Variants in CACNA1C observed in about 807,000 individuals in gnomAD.
The protein encoded by CACNA1C is calcium voltage-gated channel subunit alpha1 C, also known as voltage-dependent L-type calcium channel subunit alpha-1C.
CACNA1C carries 30 observed loss-of-function variants against 229.0 expected under a neutral mutation model. That is an observed-to-expected ratio of 0.13 (90% confidence interval 0.10 to 0.18). The LOEUF is 0.18. CACNA1C is among the 10% of genes least tolerant of loss of function. The probability of loss-of-function intolerance (pLI) is 1.00; values close to 1 mark genes in which losing one functional copy is unlikely to be tolerated. For synonymous variants in CACNA1C, 1,114 were observed against 1,132.5 expected, an observed-to-expected ratio of 0.98 and a Z score of 0.33; for missense variants, 1,658 against 2,845.0, an observed-to-expected ratio of 0.58 and a Z score of 9.49.
At chr12:1,979,675 A>T in intron 1 of CACNA1C, among the ~76,000 whole-genome samples, 1 of 152,260 alleles carries the variant, frequency 6.6e-6, no homozygotes, top group East Asian at 1.9e-4. Flanking sequence ...TATATGTTTA[A>T]GTTTATGAGA....
chr12:2,055,295 C>T (rs771434866), intron 1 of CACNA1C, among the ~76,000 whole-genome samples: 10 of 152,196 alleles, frequency 6.6e-5, no homozygotes, highest in Non-Finnish European at 1.2e-4. Context: ...TGCAAGATGA[C>T]TCCCCTCCAG....
intron 3 of CACNA1C, among the ~76,000 whole-genome samples, chr12:2,130,335 G>T: frequency 6.8e-6 from 1 of 147,270 alleles, no homozygotes; most frequent in African/African-American, 2.5e-5. Flanking sequence ...TAGGTTTTAG[G>T]GTACATGTGC....
intron 3 of CACNA1C, among the ~76,000 whole-genome samples, chr12:2,172,911 G>A (rs1386019202): frequency 6.6e-6 from 1 of 152,226 alleles, no homozygotes; most frequent in Non-Finnish European, 1.5e-5. Flanking sequence ...ACCAGAAGTG[G>A]CAGTGGACAG....
At chr12:2,109,054 C>G (rs1406523656) in intron 1 of CACNA1C, among the ~76,000 whole-genome samples, 1 of 152,224 alleles carries the variant, frequency 6.6e-6, no homozygotes, top group African/African-American at 2.4e-5. Context: ...TCTTCCCTTT[C>G]TAGGTGTGAG....
intron 3 of CACNA1C, among the ~76,000 whole-genome samples, chr12:2,221,450 G>A (rs973452304): frequency 6.6e-6 from 1 of 152,174 alleles, no homozygotes; most frequent in Admixed American, 6.5e-5. Flanking sequence ...GCAAGTGCCT[G>A]GGAGGCAGAG....
chr12:2,053,499 G>T lies in CACNA1C; in HGVS notation c.-64G>T. On this transcript the variant is annotated 5_prime_UTR_variant, in exon 1 of 47. Transcript: ENST00000399655. The surrounding 1 kb of genome is among the most constrained non-coding windows in gnomAD (Gnocchi z 5.8). ...GAGGAGGGATTAATCCAGACCCGCC[G>T]GGGGGTGTTTTCACATTTCTTCCTC... The T allele has an allele frequency of 6.5e-7, 1 of 1,535,726 alleles. No individual in the cohort carries two copies. The highest frequency in any genetic ancestry group is 8.8e-7 in the Non-Finnish European group (1 of 1,138,268).
chr12:2,325,432 A>G (rs2096248347), intron 3 of CACNA1C, among the ~76,000 whole-genome samples: 1 of 152,236 alleles, frequency 6.6e-6, no homozygotes, highest in African/African-American at 2.4e-5. Context: ...GTAAATGTCT[A>G]ATAGTTGAAA....
intron 29 of CACNA1C, among the ~76,000 whole-genome samples, chr12:2,618,594 T>A (rs1053384403): frequency 2.0e-5 from 3 of 152,188 alleles, no homozygotes; most frequent in Non-Finnish European, 4.4e-5. Flanking sequence ...AAGACACCAA[T>A]GTGGCCACCT....
intron 3 of CACNA1C, among the ~76,000 whole-genome samples, chr12:2,286,588 TC>T (rs982421345): frequency 3.9e-5 from 6 of 152,050 alleles, no homozygotes; most frequent in African/African-American, 1.4e-4. Context: ...TGAGGTTCAT[TC>T]GGGGGCTCTT....
intron 44 of CACNA1C, 146 bp downstream of exon 44, chr12:2,685,988 A>G (rs920673765): frequency 2.5e-6 from 2 of 790,016 alleles, no homozygotes; most frequent in Non-Finnish European, 4.4e-6. Flanking sequence ...AACATTCCAA[A>G]GGCAGGGTGT....
At chr12:2,124,855 A>T (rs1010001799) in intron 3 of CACNA1C, among the ~76,000 whole-genome samples, 2 of 152,256 alleles carry the variant, frequency 1.3e-5, no homozygotes, top group African/African-American at 4.8e-5. Flanking sequence ...AGGGATTGTC[A>T]AGTGGAGGAG....
At chr12:2,124,643 A>G (rs1417319735) in intron 3 of CACNA1C, among the ~76,000 whole-genome samples, 1 of 152,204 alleles carries the variant, frequency 6.6e-6, no homozygotes, top group African/African-American at 2.4e-5. Flanking sequence ...GCCAGAGTCC[A>G]GATGGTGGTG....
chr12:2,415,764 C>T (rs1031434656), intron 3 of CACNA1C, among the ~76,000 whole-genome samples: 2 of 152,238 alleles, frequency 1.3e-5, no homozygotes, highest in African/African-American at 4.8e-5. Context: ...TGCAGGAGTC[C>T]CCGCCATGGT....
At chr12:2,424,804 G>C (rs777898349) in intron 3 of CACNA1C, among the ~76,000 whole-genome samples, 1 of 152,230 alleles carries the variant, frequency 6.6e-6, no homozygotes, top group Non-Finnish European at 1.5e-5. Flanking sequence ...CAGAGACTGA[G>C]CTGGCAGAGG....
At chr12:2,615,823 G>A (rs373831719) in intron 29 of CACNA1C, among the ~76,000 whole-genome samples, 3 of 151,834 alleles carry the variant, frequency 2.0e-5, no homozygotes, top group East Asian at 1.9e-4. Context: ...AAGGGTACTG[G>A]GGGGGAGGAG....
chr12:2,359,164 C>T (rs1439326181), intron 3 of CACNA1C, among the ~76,000 whole-genome samples: 1 of 152,206 alleles, frequency 6.6e-6, no homozygotes, highest in Non-Finnish European at 1.5e-5. Flanking sequence ...ATGACCCACC[C>T]ATCTCCTACA....
At chr12:2,475,281 A>G (rs991748157) in intron 5 of CACNA1C, among the ~76,000 whole-genome samples, 4 of 152,040 alleles carry the variant, frequency 2.6e-5, no homozygotes, top group African/African-American at 9.7e-5. Flanking sequence ...CCTGGGCAAC[A>G]GAGTGAGACT....
chr12:2,293,695 C>G (rs1566916155), intron 3 of CACNA1C, among the ~76,000 whole-genome samples: 1 of 152,240 alleles, frequency 6.6e-6, no homozygotes, highest in Non-Finnish European at 1.5e-5. Flanking sequence ...TAGAGCCTTC[C>G]ACAGTTTGAC....
At chr12:2,003,157 TA>T (rs1255022628) in intron 1 of CACNA1C, among the ~76,000 whole-genome samples, 1 of 152,214 alleles carries the variant, frequency 6.6e-6, no homozygotes, top group East Asian at 1.9e-4. Flanking sequence ...CTTGTCTTTT[TA>T]TTTTTATGTT....
Sources: allele counts gnomAD v4.1 joint callset (sites outside exome capture counted in the v4.1 genomes callset), GRCh38; gene constraint gnomAD v4.1.1; non-coding constraint Gnocchi (gnomAD v3.1); transcripts MANE v1.5; gene names NCBI Gene and HGNC (gene_info 2026-07-23, HGNC 2026-07-21).